TTC7B: variants seen among roughly 807,000 people sequenced by gnomAD.
TTC7B encodes the protein tetratricopeptide repeat protein 7B.
Under a neutral mutation model 106.8 loss-of-function variants are expected in TTC7B, and 28 were observed. That is an observed-to-expected ratio of 0.26 (90% confidence interval 0.19 to 0.36). The LOEUF is 0.36. Among genes scored for constraint, TTC7B ranks in the 10% least tolerant of loss-of-function variants. The pLI is 1.00. For missense variants in TTC7B, 862 were observed against 1,076.4 expected (o/e 0.80, Z 2.79); for synonymous variants, 405 against 430.6 (o/e 0.94, Z 0.74).
chr14:90,587,685 C>T lies in TTC7B; in HGVS notation c.2107+5801G>A, dbSNP rs543808983. Among the ~76,000 whole-genome samples, 14 of 152,292 alleles carry T rather than the reference C, an allele frequency of 9.2e-5. No homozygotes were observed. In the South Asian group the frequency reaches 2.9e-3, roughly 32 times the overall value. On this transcript the variant is annotated intron_variant, in intron 18 of 19. Coordinates refer to ENST00000328459, the MANE Select transcript of TTC7B (RefSeq NM_001010854.2). ...TGTTCTGTTCCACATCTGCAAATGC[C>T]ATGAAGGCCAGGAGCTGTGTCTGTC... is the stretch of plus-strand genomic sequence containing the variant.
At chr14:90,601,506 G>A (rs1892422189) in intron 17 of TTC7B, among the ~76,000 whole-genome samples, 1 of 152,182 alleles carries the variant, frequency 6.6e-6, no homozygotes, top group Non-Finnish European at 1.5e-5. Context: ...CTGCTAAAGA[G>A]AGCAGCAACT....
intron 15 of TTC7B, among the ~76,000 whole-genome samples, chr14:90,637,503 C>T (rs1191215712): frequency 2.0e-5 from 3 of 152,238 alleles, no homozygotes; most frequent in African/African-American, 7.2e-5. Flanking sequence ...AAAAGTACTA[C>T]TCCAACTCAC....
chr14:90,666,231 G>A (rs1241727376), intron 9 of TTC7B, among the ~76,000 whole-genome samples: 6 of 152,078 alleles, frequency 3.9e-5, no homozygotes, highest in African/African-American at 7.2e-5. Context: ...GCGTGATCTC[G>A]GCTCACTGCA....
chr14:90,733,495 G>A (rs956540728), intron 4 of TTC7B, among the ~76,000 whole-genome samples: 1 of 152,216 alleles, frequency 6.6e-6, no homozygotes, highest in African/African-American at 2.4e-5. Flanking sequence ...GCATAGCTCA[G>A]GGCTTACCCT....
chr14:90,722,990 A>C (rs1888955227), intron 5 of TTC7B, among the ~76,000 whole-genome samples: 1 of 152,296 alleles, frequency 6.6e-6, no homozygotes, highest in African/African-American at 2.4e-5. Context: ...GTGGCCTTAA[A>C]TATAATCAAT....
intron 16 of TTC7B, 104 bp downstream of exon 16, chr14:90,617,825 C>T: frequency 1.2e-6 from 1 of 845,070 alleles, no homozygotes; most frequent in Non-Finnish European, 2.0e-6. Context: ...TGGAGGTGCA[C>T]AGGGGTGACA....
chr14:90,724,687 A>T (rs1456318758), intron 5 of TTC7B, among the ~76,000 whole-genome samples: 6 of 152,168 alleles, frequency 3.9e-5, no homozygotes, highest in Non-Finnish European at 7.4e-5. Context: ...TGTCAGCATC[A>T]TGCTTCCTGT....
chr14:90,714,927 C>T (rs946707041), intron 5 of TTC7B, among the ~76,000 whole-genome samples: 4 of 152,152 alleles, frequency 2.6e-5, no homozygotes, highest in African/African-American at 9.7e-5. Flanking sequence ...TCACCTCTTA[C>T]ATCACTTCTT....
intron 7 of TTC7B, among the ~76,000 whole-genome samples, chr14:90,684,119 G>A (rs1011400009): frequency 6.7e-5 from 10 of 148,804 alleles, no homozygotes; most frequent in African/African-American, 2.2e-4. Flanking sequence ...TACCTTTTCC[G>A]CCGAGACCTA....
rs1334352679 is a variant in TTC7B, at chr14:90,759,585, G to C, written c.446-14663C>G. On this transcript the variant is annotated intron_variant, in intron 3 of 19. Transcript: ENST00000328459. The surrounding 1 kb of genome is among the most constrained non-coding windows in gnomAD (Gnocchi z 4.1). ...CTGCTGTCAGAGGAAATGAGCAGTG[G>C]GAGGCAGTCCCTTGAGAGCCAAACA... Among the ~76,000 whole-genome samples, 2 of 152,216 alleles carry C rather than the reference G, an allele frequency of 1.3e-5. No individual in the cohort carries two copies.
chr14:90,710,624 G>A (rs1472327573), intron 5 of TTC7B, among the ~76,000 whole-genome samples: 1 of 152,130 alleles, frequency 6.6e-6, no homozygotes, highest in Non-Finnish European at 1.5e-5. Flanking sequence ...AATTGCCACA[G>A]CCACCCCAAA....
chr14:90,618,843 C>T (rs1893194337), intron 15 of TTC7B, among the ~76,000 whole-genome samples: 1 of 152,232 alleles, frequency 6.6e-6, no homozygotes, highest in African/African-American at 2.4e-5. Flanking sequence ...AGCTTCCTTC[C>T]TGGTGTTCTT....
rs201826558 is a variant in TTC7B, at chr14:90,755,667, A to C, written c.446-10745T>G. Among the ~76,000 whole-genome samples the C allele has an allele frequency of 4.1e-5, 6 of 146,596 alleles. No individual in the cohort carries two copies. The South Asian group carries it at 1.1e-3, about 27-fold the overall frequency. On this transcript the variant is annotated intron_variant, in intron 3 of 19. Coordinates refer to ENST00000328459, the MANE Select transcript of TTC7B (RefSeq NM_001010854.2). ...GGGCAAGACCCTGTCACTAAAAAAA[A>C]CAAAAAAACAAACAAACAAAAAAAA...
In TTC7B at chr14:90,756,308, ATC is replaced by A. The variant is rs535123868; in HGVS notation, c.446-11388_446-11387del. On this transcript the variant is annotated intron_variant, in intron 3 of 19. Coordinates refer to ENST00000328459, the MANE Select transcript of TTC7B (RefSeq NM_001010854.2). ...CAGAACAGGACTCTGCCCTTAAGAA[ATC>A]TCTTTGTCCTTGAGAAATTTCACCT... 1.9e-3 allele frequency among the ~76,000 whole-genome samples: 284 copies of A among 151,906 alleles called. 1 individual carries two copies. The highest frequency in any genetic ancestry group is 6.5e-3 in the African/African-American group (271 of 41,430).
chr14:90,604,956 A>G (rs1892577926), intron 17 of TTC7B, among the ~76,000 whole-genome samples: 1 of 152,252 alleles, frequency 6.6e-6, no homozygotes, highest in Non-Finnish European at 1.5e-5. Flanking sequence ...TGCAAATGGA[A>G]AACAGTTTAC....
intron 19 of TTC7B, among the ~76,000 whole-genome samples, chr14:90,554,801 C>T (rs1252122221): frequency 1.3e-5 from 2 of 152,246 alleles, no homozygotes; most frequent in African/African-American, 4.8e-5. Context: ...GGTCAGGGTG[C>T]TGGTTCATGG....
intron 18 of TTC7B, among the ~76,000 whole-genome samples, chr14:90,580,470 G>T (rs924111434): frequency 6.6e-6 from 1 of 152,220 alleles, no homozygotes. Context: ...CTGGGAGCCT[G>T]TGCTTGCAGC....
chr14:90,680,542 T>G lies in TTC7B; in HGVS notation c.951-7A>C, dbSNP rs1595275651. 13 of 1,613,008 alleles carry G rather than the reference T, an allele frequency of 8.1e-6. No individual in the cohort carries two copies. The East Asian group carries it at 2.9e-4, about 36-fold the overall frequency. ...TTCTTGAGGACAAAAAATGCTGCAG[T>G]TGAAAGAAAACTGACTTTGATATAT... On this transcript the variant is annotated splice_polypyrimidine_tract_variant and splice_region_variant and intron_variant, in intron 7 of 19. Transcript: ENST00000328459.
intron 19 of TTC7B, among the ~76,000 whole-genome samples, chr14:90,556,843 C>A (rs1001818162): frequency 6.6e-6 from 1 of 152,184 alleles, no homozygotes; most frequent in African/African-American, 2.4e-5. Flanking sequence ...CCCTGGGGTC[C>A]TGGGACCACT....
Sources: allele counts gnomAD v4.1 joint callset (sites outside exome capture counted in the v4.1 genomes callset), GRCh38; gene constraint gnomAD v4.1.1; non-coding constraint Gnocchi (gnomAD v3.1); transcripts MANE v1.5; gene names NCBI Gene and HGNC (gene_info 2026-07-23, HGNC 2026-07-21).